The following CCDC192 variants were observed in gnomAD, a reference collection of about 807,000 sequenced individuals.
CCDC192 encodes the protein coiled-coil domain-containing protein 192.
intron 6 of CCDC192, among the ~76,000 whole-genome samples, chr5:127,885,364 A>G (rs1752526140): frequency 6.6e-6 from 1 of 152,186 alleles, no homozygotes; most frequent in South Asian, 2.1e-4. Context: ...AGTCTTGGGC[A>G]CTCCTTTGTC....
intron 3 of CCDC192, among the ~76,000 whole-genome samples, chr5:127,755,381 A>G (rs2126876491): frequency 6.6e-6 from 1 of 152,320 alleles, no homozygotes; most frequent in African/African-American, 2.4e-5. Flanking sequence ...AGTGATACAC[A>G]CACAAATGCC....
chr5:127,927,989 C>T (rs6864814), intron 6 of CCDC192, among the ~76,000 whole-genome samples: 6 of 145,800 alleles, frequency 4.1e-5, no homozygotes, highest in African/African-American at 1.5e-4. Context: ...GTGAAGTGGC[C>T]CAATCTTGGC....
intron 3 of CCDC192, among the ~76,000 whole-genome samples, chr5:127,755,350 AGTATAATTAATAT>A (rs1754515848): frequency 6.6e-6 from 1 of 152,190 alleles, no homozygotes; most frequent in African/African-American, 2.4e-5. Flanking sequence ...TATGAGAAAA[AGTATAATTAATAT>A]ATAATTTAGT....
rs1754400783 is a variant in CCDC192, at chr5:127,753,811, T to C, written c.115-457T>C. On this transcript the variant is annotated intron_variant, in intron 2 of 6. Coordinates refer to ENST00000514853, the MANE Select transcript of CCDC192 (RefSeq NM_001317938.2). ...ATTCTAAAACATGTGGTATCTTTGC[T>C]TTAATGACATATGCTAAGAAGGTGA... 8.5e-5 allele frequency among the ~76,000 whole-genome samples: 13 copies of C among 152,184 alleles called. No homozygotes were observed. In the South Asian group the frequency reaches 2.7e-3, roughly 31 times the overall value.
At chr5:127,921,174 G>GAA (rs1215147656) in intron 6 of CCDC192, among the ~76,000 whole-genome samples, 6 of 150,326 alleles carry the variant, frequency 4.0e-5, no homozygotes, top group African/African-American at 1.5e-4. Context: ...GAAAAGAAAA[G>GAA]AAAAGAAGGA....
At chr5:127,876,584 T>A (rs1236318086) in intron 6 of CCDC192, among the ~76,000 whole-genome samples, 4 of 152,170 alleles carry the variant, frequency 2.6e-5, no homozygotes, top group Non-Finnish European at 5.9e-5. Context: ...GCCTGGTGAA[T>A]CTCTTGCAAA....
At chr5:127,703,795 T>G (rs1750811011) in intron 1 of CCDC192, among the ~76,000 whole-genome samples, 1 of 152,194 alleles carries the variant, frequency 6.6e-6, no homozygotes, top group Admixed American at 6.5e-5. Flanking sequence ...CCCAGCCATT[T>G]TACTGATGTG....
At chr5:127,811,409 G>C (rs1758076115) in intron 5 of CCDC192, among the ~76,000 whole-genome samples, 1 of 152,132 alleles carries the variant, frequency 6.6e-6, no homozygotes. Flanking sequence ...TCTTTATGAG[G>C]AAGTTAATGT....
At position 127,907,473 on chromosome 5, in the gene CCDC192, A is replaced by T. The variant is rs573674236; in HGVS notation, c.535+31812A>T. On this transcript the variant is annotated intron_variant, in intron 6 of 6. Transcript: ENST00000514853. ...TATCAATTATAGTAATTTTAGATATAAAAAACTATTCTAATTATTTATTTC... is the reference window on the plus strand; with the variant it reads ...TATCAATTATAGTAATTTTAGATATTAAAAACTATTCTAATTATTTATTTC... Among the ~76,000 whole-genome samples, 13 of 152,216 alleles carry T rather than the reference A, an allele frequency of 8.5e-5. 2 individuals carry two copies. The East Asian group carries it at 1.9e-3, about 23-fold the overall frequency.
chr5:127,737,201 CA>C (rs1003901905), intron 2 of CCDC192, among the ~76,000 whole-genome samples: 1 of 152,024 alleles, frequency 6.6e-6, no homozygotes. Context: ...AGTAGTCATT[CA>C]GGAGCAGGTT....
intron 3 of CCDC192, among the ~76,000 whole-genome samples, chr5:127,768,910 A>G (rs1286523818): frequency 8.5e-5 from 13 of 152,248 alleles, no homozygotes; most frequent in Admixed American, 8.5e-4. Context: ...ATTTACTGCC[A>G]GGAAATTTCC....
chr5:127,864,363 C>T (rs948432582), intron 5 of CCDC192, among the ~76,000 whole-genome samples: 1 of 152,192 alleles, frequency 6.6e-6, no homozygotes, highest in African/African-American at 2.4e-5. Flanking sequence ...TCCCTCCCTA[C>T]CTGCTATCCG....
intron 6 of CCDC192, among the ~76,000 whole-genome samples, chr5:127,933,793 G>A (rs1754117217): frequency 6.6e-6 from 1 of 152,136 alleles, no homozygotes; most frequent in African/African-American, 2.4e-5. Context: ...ATGAATGGGA[G>A]TAATGCTTTA....
chr5:127,711,940 T>C (rs554473359), intron 2 of CCDC192, among the ~76,000 whole-genome samples: 1 of 152,024 alleles, frequency 6.6e-6, no homozygotes, highest in Non-Finnish European at 1.5e-5. Flanking sequence ...AGTTGATGAG[T>C]TTTGATACCA....
At chr5:127,932,068 C>T (rs528238647) in intron 6 of CCDC192, among the ~76,000 whole-genome samples, 7 of 150,324 alleles carry the variant, frequency 4.7e-5, no homozygotes, top group South Asian at 2.1e-4. Context: ...GCAGGGGAAT[C>T]GCTTGAACCT....
chr5:127,847,171 T>A (rs1750591201), intron 5 of CCDC192, among the ~76,000 whole-genome samples: 1 of 152,230 alleles, frequency 6.6e-6, no homozygotes, highest in Non-Finnish European at 1.5e-5. Flanking sequence ...CTTTCCCCCA[T>A]GCACTTTTGC....
At chr5:127,902,649 C>A (rs1173124804) in intron 6 of CCDC192, among the ~76,000 whole-genome samples, 1 of 152,204 alleles carries the variant, frequency 6.6e-6, no homozygotes, top group East Asian at 1.9e-4. Context: ...ACTTGCATGA[C>A]TATAAAGTGT....
intron 2 of CCDC192, among the ~76,000 whole-genome samples, chr5:127,741,141 G>A (rs7722203): frequency 0.029 from 4,478 of 152,196 alleles, 142 homozygotes; most frequent in African/African-American, 0.083. Flanking sequence ...GCTCACTGCA[G>A]CCTCCACTTC....
intron 5 of CCDC192, among the ~76,000 whole-genome samples, chr5:127,853,629 C>T (rs558300387): frequency 3.9e-5 from 6 of 152,090 alleles, no homozygotes; most frequent in African/African-American, 7.2e-5. Context: ...AAGAATTATC[C>T]GGGCGTGGTG....
Sources: allele counts gnomAD v4.1 joint callset (sites outside exome capture counted in the v4.1 genomes callset), GRCh38; gene constraint gnomAD v4.1.1; transcripts MANE v1.5; gene names NCBI Gene and HGNC (gene_info 2026-07-23, HGNC 2026-07-21).